INPP4A: variants seen among roughly 807,000 people sequenced by gnomAD.
INPP4A encodes the protein inositol polyphosphate-4-phosphatase, type I, 107kD.
Under a neutral mutation model 119.8 loss-of-function variants are expected in INPP4A, and 33 were observed. The ratio of observed to expected loss-of-function variants is 0.28; its 90% confidence interval spans 0.21 to 0.37. The LOEUF (loss-of-function observed/expected upper bound fraction) is 0.37, where lower values mean the gene tolerates loss of function less well. Ranked by LOEUF, INPP4A falls within the 10% of genes least tolerant of loss-of-function variation. The pLI is 1.00. For synonymous variants in INPP4A, 496 were observed against 500.7 expected (o/e 0.99, Z 0.12); for missense variants, 956 against 1,289.9 (o/e 0.74, Z 3.97).
At chr2:98,574,733 A>G (rs1359421389) in intron 23 of INPP4A, among the ~76,000 whole-genome samples, 1 of 152,056 alleles carries the variant, frequency 6.6e-6, no homozygotes, top group Non-Finnish European at 1.5e-5. Context: ...CTTGGAATAC[A>G]CACACAGGCA....
At chr2:98,522,726 C>T (rs536234087) in intron 4 of INPP4A, among the ~76,000 whole-genome samples, 1 of 151,074 alleles carries the variant, frequency 6.6e-6, no homozygotes, top group Non-Finnish European at 1.5e-5. Context: ...GGTGAAATTT[C>T]GGATCACAGG....
chr2:98,559,424 G>A (rs1485449900), intron 16 of INPP4A, 39 bp from the exon 17 acceptor site: 1 of 1,612,976 alleles, frequency 6.2e-7, no homozygotes, highest in Admixed American at 1.7e-5. Flanking sequence ...ACTGTGTGCT[G>A]CTCCTTAATC....
intron 1 of INPP4A, among the ~76,000 whole-genome samples, chr2:98,505,305 A>C (rs370932397): frequency 6.6e-6 from 1 of 152,200 alleles, no homozygotes; most frequent in Non-Finnish European, 1.5e-5. Flanking sequence ...GGGGAAAAGT[A>C]CTGGGCGAGC....
intron 1 of INPP4A, among the ~76,000 whole-genome samples, chr2:98,480,832 G>A (rs935427986): frequency 7.2e-5 from 11 of 152,200 alleles, no homozygotes; most frequent in African/African-American, 1.4e-4. Flanking sequence ...CCCAGGGCGC[G>A]TGTGTCCGTC....
intron 1 of INPP4A, among the ~76,000 whole-genome samples, chr2:98,483,246 A>G (rs1678836211): frequency 6.6e-6 from 1 of 151,988 alleles, no homozygotes; most frequent in African/African-American, 2.4e-5. Context: ...GGTTACCATT[A>G]CCCCAAATTT....
chr2:98,464,923 G>A (rs1674431452), intron 1 of INPP4A, among the ~76,000 whole-genome samples: 1 of 152,208 alleles, frequency 6.6e-6, no homozygotes, highest in Admixed American at 6.5e-5. Context: ...GCAGAGTACA[G>A]AGCTCGTTAT....
intron 2 of INPP4A, 97 bp from the exon 3 acceptor site, chr2:98,519,849 G>C: frequency 1.8e-6 from 1 of 568,558 alleles, no homozygotes; most frequent in Non-Finnish European, 3.2e-6. Flanking sequence ...CCCTGTCACT[G>C]TACCTCGCCC....
chr2:98,479,922 C>G (rs1678063125), intron 1 of INPP4A, among the ~76,000 whole-genome samples: 1 of 152,192 alleles, frequency 6.6e-6, no homozygotes, highest in Non-Finnish European at 1.5e-5. Context: ...TAGTTTGTGA[C>G]TTCCTAGAAA....
At chr2:98,583,226 T>G (rs1315846467) in intron 24 of INPP4A, among the ~76,000 whole-genome samples, 2 of 152,228 alleles carry the variant, frequency 1.3e-5, no homozygotes, top group Non-Finnish European at 2.9e-5. Context: ...ATTTTTCATT[T>G]AAAAAATGGT....
At chr2:98,545,373 G>T (rs938201956) in intron 11 of INPP4A, among the ~76,000 whole-genome samples, 3 of 152,116 alleles carry the variant, frequency 2.0e-5, no homozygotes, top group African/African-American at 7.2e-5. Context: ...TAGCGTCCAG[G>T]CTCCTTAACC....
intron 1 of INPP4A, among the ~76,000 whole-genome samples, chr2:98,462,402 C>A (rs779793850): frequency 6.6e-6 from 1 of 152,210 alleles, no homozygotes; most frequent in Non-Finnish European, 1.5e-5. Flanking sequence ...GAGCCGAGAT[C>A]GTGCCACTGC....
intron 24 of INPP4A, among the ~76,000 whole-genome samples, chr2:98,578,271 G>A (rs1698755164): frequency 6.6e-6 from 1 of 152,194 alleles, no homozygotes; most frequent in South Asian, 2.1e-4. Flanking sequence ...TGTGACCCTG[G>A]TGCTGAGGGA....
At chr2:98,455,582 T>G (rs1695998833) in intron 1 of INPP4A, among the ~76,000 whole-genome samples, 1 of 152,108 alleles carries the variant, frequency 6.6e-6, no homozygotes, top group Non-Finnish European at 1.5e-5. Context: ...CTAGTGAAGG[T>G]GATTTCCTTT....
chr2:98,530,240 A>G (rs1414572050), intron 4 of INPP4A, among the ~76,000 whole-genome samples: 1 of 152,112 alleles, frequency 6.6e-6, no homozygotes, highest in African/African-American at 2.4e-5. Context: ...CCATGCTACC[A>G]GAGAACTGAT....
chr2:98,463,042 A>G (rs1673922804), intron 1 of INPP4A, among the ~76,000 whole-genome samples: 1 of 152,118 alleles, frequency 6.6e-6, no homozygotes, highest in South Asian at 2.1e-4. Flanking sequence ...GGGTTTCACC[A>G]TGTCGGCCAG....
chr2:98,564,013 C>G (rs989148655), intron 18 of INPP4A, among the ~76,000 whole-genome samples: 2 of 150,052 alleles, frequency 1.3e-5, no homozygotes, highest in Non-Finnish European at 3.0e-5. Context: ...AAACATTGCT[C>G]GTATAACAGT....
rs748746426 is a variant in INPP4A, at chr2:98,552,769, ATTC to A, written c.1164-14_1164-12del. 4.4e-6 allele frequency: 7 copies of A among 1,598,614 alleles called. No homozygotes were observed. In the African/African-American group the frequency reaches 9.4e-5, roughly 21 times the overall value. ...GATTCTGGAGAATCCCTTAGAATCC[ATTC>A]TTATCCTTTCCAGTACATCATCTGG... On this transcript the variant is annotated splice_polypyrimidine_tract_variant and intron_variant, in intron 13 of 24. Coordinates refer to ENST00000409851, the MANE Select transcript of INPP4A (RefSeq NM_001134225.2).
intron 1 of INPP4A, among the ~76,000 whole-genome samples, chr2:98,480,446 A>G (rs1473995774): frequency 1.3e-5 from 2 of 152,218 alleles, no homozygotes; most frequent in African/African-American, 2.4e-5. Context: ...GTGCCCTATC[A>G]TATGCTCTTA....
At chr2:98,502,007 T>C (rs1376995324) in intron 1 of INPP4A, among the ~76,000 whole-genome samples, 1 of 152,188 alleles carries the variant, frequency 6.6e-6, no homozygotes. Flanking sequence ...TCTTCGTACA[T>C]CAGTGCCCAC....
Sources: gnomAD v4.1 joint callset for allele counts (sites outside exome capture counted in the v4.1 genomes callset) on GRCh38, gnomAD v4.1.1 for gene constraint, MANE v1.5 for transcripts, NCBI Gene and HGNC (gene_info 2026-07-23, HGNC 2026-07-21) for gene names.